Variants in DOCK7 observed in about 807,000 individuals in gnomAD.
DOCK7 encodes dedicator of cytokinesis 7, also known as dedicator of cytokinesis protein 7.
DOCK7 carries 138 observed loss-of-function variants against 271.0 expected under a neutral mutation model. That is an observed-to-expected ratio of 0.51 (90% CI 0.44 to 0.59). The LOEUF (loss-of-function observed/expected upper bound fraction) is 0.59. Among genes scored for constraint, DOCK7 ranks in the 20% least tolerant of loss-of-function variants. The probability of loss-of-function intolerance (pLI) is 0.00; values close to 1 mark genes in which losing one functional copy is unlikely to be tolerated. For missense variants in DOCK7, 2,066 were observed against 2,592.4 expected (o/e 0.80, Z 4.41); for synonymous variants, 823 against 876.1 (o/e 0.94, Z 1.07).
chr1:62,566,675 C>G (rs1646526910), intron 18 of DOCK7, among the ~76,000 whole-genome samples: 1 of 152,120 alleles, frequency 6.6e-6, no homozygotes, highest in South Asian at 2.1e-4. Context: ...GCAATGGCAA[C>G]AAAAGCCAAA....
In DOCK7 at chr1:62,539,894, TG is replaced by T; in HGVS notation, c.3046-3del. On this transcript the variant is annotated splice_region_variant and splice_polypyrimidine_tract_variant and intron_variant, in intron 25 of 49. Coordinates refer to ENST00000635253, the MANE Select transcript of DOCK7 (RefSeq NM_001367561.1). ...TAAATGGTGCACCATGCTCTTTACC[TG>T]AAAAAAAGATATAAATTATTAATTT... is the stretch of plus-strand genomic sequence containing the variant. 2.6e-6 allele frequency: 4 copies of T among 1,565,074 alleles called. No individual in the cohort carries two copies. In the South Asian group the frequency reaches 4.9e-5, roughly 19 times the overall value.
chr1:62,540,030 T>A, intron 25 of DOCK7, 138 bp from the exon 26 acceptor site: 1 of 561,748 alleles, frequency 1.8e-6, no homozygotes, highest in South Asian at 4.8e-5. Context: ...TCAAATATTT[T>A]TTAAAGTTCC....
At chr1:62,587,984 T>C (rs931113073) in intron 14 of DOCK7, among the ~76,000 whole-genome samples, 22 of 152,110 alleles carry the variant, frequency 1.4e-4, no homozygotes, top group African/African-American at 5.1e-4. Context: ...AATAAAGTAA[T>C]TGCCATGCCA....
intron 14 of DOCK7, among the ~76,000 whole-genome samples, chr1:62,600,830 GCT>G (rs1474653147): frequency 2.6e-5 from 4 of 151,692 alleles, no homozygotes; most frequent in Non-Finnish European, 4.4e-5. Context: ...TTTTGGCCTT[GCT>G]CTGTTTTCCG....
chr1:62,555,543 C>T (rs1404771995), intron 21 of DOCK7, among the ~76,000 whole-genome samples: 1 of 152,084 alleles, frequency 6.6e-6, no homozygotes, highest in Non-Finnish European at 1.5e-5. Flanking sequence ...TGATAAAATG[C>T]TTCCAGAGAC....
chr1:62,682,550 TA>T (rs1018355422), intron 1 of DOCK7, among the ~76,000 whole-genome samples: 1 of 152,026 alleles, frequency 6.6e-6, no homozygotes, highest in Non-Finnish European at 1.5e-5. Flanking sequence ...TGTAACTTTT[TA>T]AAAAAACAGC....
At chr1:62,493,101 A>G (rs959487323) in intron 40 of DOCK7, among the ~76,000 whole-genome samples, 2 of 152,158 alleles carry the variant, frequency 1.3e-5, no homozygotes, top group Non-Finnish European at 2.9e-5. Context: ...ATCATGGGCT[A>G]AAGGAAATTG....
Position 62,597,915 on chromosome 1 carries a change from T to G in DOCK7, c.1683-11291A>C, listed in dbSNP as rs771793802. The G allele has an allele frequency of 4.5e-6, 7 of 1,554,044 alleles. No individual in the cohort carries two copies. In the Admixed American group the frequency reaches 1.1e-4, roughly 24 times the overall value. On this transcript the variant is annotated intron_variant, in intron 14 of 49. Coordinates refer to ENST00000635253, the MANE Select transcript of DOCK7 (RefSeq NM_001367561.1). The stretch of plus-strand genomic sequence containing the variant: ...CAAAAATGAAGAGGTAAAGAATATG[T>G]CACTTGAACTCAACTCAAAACTTGA...
intron 25 of DOCK7, 30 bp from the exon 26 acceptor site, chr1:62,539,922 C>T: frequency 1.4e-6 from 2 of 1,460,832 alleles, no homozygotes; most frequent in Admixed American, 4.3e-5. Context: ...TATTAATTTC[C>T]TATGAATATA....
At chr1:62,654,776 T>C (rs1026927932) in intron 2 of DOCK7, among the ~76,000 whole-genome samples, 1 of 152,166 alleles carries the variant, frequency 6.6e-6, no homozygotes, top group African/African-American at 2.4e-5. Flanking sequence ...ATCACATATA[T>C]CCTCATGAGG....
chr1:62,681,175 C>T (rs1250546846), intron 1 of DOCK7, among the ~76,000 whole-genome samples: 1 of 151,978 alleles, frequency 6.6e-6, no homozygotes, highest in Non-Finnish European at 1.5e-5. Flanking sequence ...GAAAATGTGG[C>T]ACATATACAC....
chr1:62,563,159 C>T (rs1646387241), intron 18 of DOCK7, among the ~76,000 whole-genome samples: 1 of 152,102 alleles, frequency 6.6e-6, no homozygotes, highest in Admixed American at 6.5e-5. Flanking sequence ...TGAAATTCCA[C>T]CTTCACCCAG....
At chr1:62,558,915 T>G (rs904549271) in intron 20 of DOCK7, 74 bp downstream of exon 20, 14 of 1,238,998 alleles carry the variant, frequency 1.1e-5, no homozygotes, top group Middle Eastern at 2.1e-4. Context: ...GAAATCATGT[T>G]TTTTTTTTTT....
intron 34 of DOCK7, 55 bp downstream of exon 34, chr1:62,510,522 T>TA: frequency 7.4e-7 from 1 of 1,349,704 alleles, no homozygotes; most frequent in Non-Finnish European, 1.0e-6. Context: ...ATTTTCCTCT[T>TA]ACATTTTAAA....
intron 1 of DOCK7, among the ~76,000 whole-genome samples, chr1:62,681,145 T>A (rs1342499595): frequency 2.6e-5 from 4 of 151,950 alleles, no homozygotes; most frequent in Non-Finnish European, 5.9e-5. Context: ...CAAATGTCCA[T>A]CAATGATAGA....
In DOCK7 at chr1:62,631,280, A is replaced by T; in HGVS notation, c.1242T>A (p.Ser414Arg). ...HLMNIVSSAG[S>R]LERDSTEVEI... Reference sequence around the variant, plus strand: ...CTACTTCTGTAGAATCTCTTTCCAAACTCCCAGCACTGCTAACAATATTCA... The same window carrying T: ...CTACTTCTGTAGAATCTCTTTCCAATCTCCCAGCACTGCTAACAATATTCA... Residue 414 changes from serine to arginine, a missense_variant, in exon 11 of 50, where the codon AGT (serine) becomes AGA (arginine). By Grantham distance (110) the Ser-to-Arg change is moderately radical. This residue lies in a region of DOCK7 where 1,414 missense variants were observed against 1,670.4 expected (regional missense o/e 0.85). Coordinates refer to ENST00000635253, the MANE Select transcript of DOCK7 (RefSeq NM_001367561.1). The T allele has an allele frequency of 6.2e-7, 1 of 1,610,514 alleles. No individual in the cohort carries two copies. The highest frequency in any genetic ancestry group is 8.5e-7 in the Non-Finnish European group (1 of 1,178,886).
intron 20 of DOCK7, among the ~76,000 whole-genome samples, chr1:62,558,350 C>G (rs1646215591): frequency 1.3e-5 from 2 of 152,092 alleles, no homozygotes; most frequent in Admixed American, 6.6e-5. Context: ...GAATACTCCT[C>G]TCCTTTGTGT....
chr1:62,515,983 T>C (rs1410138944), intron 31 of DOCK7, among the ~76,000 whole-genome samples: 1 of 152,122 alleles, frequency 6.6e-6, no homozygotes, highest in Admixed American at 6.5e-5. Flanking sequence ...ACTGAAAGGA[T>C]GAACTGTTTA....
At chr1:62,572,121 T>G (rs780614498) in intron 18 of DOCK7, among the ~76,000 whole-genome samples, 1 of 152,082 alleles carries the variant, frequency 6.6e-6, no homozygotes, top group Non-Finnish European at 1.5e-5. Context: ...ACAAACATTA[T>G]CTGAAAACTG....
Sources: gnomAD v4.1 joint callset for allele counts (sites outside exome capture counted in the v4.1 genomes callset) on GRCh38, gnomAD v4.1.1 for gene constraint, gnomAD v4.1.1 regional missense constraint, MANE v1.5 for transcripts, NCBI Gene and HGNC (gene_info 2026-07-23, HGNC 2026-07-21) for gene names.